C5: variants seen among roughly 807,000 people sequenced by gnomAD.
C5 encodes complement C5.
C5 carries 140 observed loss-of-function variants against 218.8 expected under a neutral mutation model. That is an observed-to-expected ratio of 0.64 (90% CI 0.56 to 0.74). The LOEUF (loss-of-function observed/expected upper bound fraction) is 0.74. C5 is among the 30% of genes least tolerant of loss of function. The pLI is 0.00. For synonymous variants in C5, 614 were observed against 682.3 expected (o/e 0.90, Z 1.56); for missense variants, 1,700 against 1,969.6 (o/e 0.86, Z 2.59).
At chr9:121,035,042 G>A in intron 4 of C5, 148 bp from the exon 5 acceptor site, 1 of 588,508 alleles carries the variant, frequency 1.7e-6, no homozygotes, top group South Asian at 2.1e-5. Flanking sequence ...GAAGGATGAA[G>A]ATCTGTTAAA....
intron 30 of C5, among the ~76,000 whole-genome samples, chr9:120,973,470 C>T (rs982944445): frequency 6.6e-6 from 1 of 152,154 alleles, no homozygotes; most frequent in African/African-American, 2.4e-5. Flanking sequence ...CACATGCATA[C>T]GTCCTGTGAC....
intron 33 of C5, among the ~76,000 whole-genome samples, chr9:120,966,874 C>A (rs2046872268): frequency 6.6e-6 from 1 of 152,060 alleles, no homozygotes; most frequent in Non-Finnish European, 1.5e-5. Flanking sequence ...GGGCTTGGGA[C>A]ATAGAGAAGA....
At chr9:121,061,648 A>C in the C5 span, among the ~76,000 whole-genome samples, 1 of 152,360 alleles carries the variant, frequency 6.6e-6, no homozygotes, top group Non-Finnish European at 1.5e-5. Flanking sequence ...GGAAATTAAT[A>C]ACTTTAATTA....
intron 29 of C5, among the ~76,000 whole-genome samples, chr9:120,976,159 G>A (rs1462249874): frequency 6.6e-6 from 1 of 152,108 alleles, no homozygotes; most frequent in East Asian, 1.9e-4. Context: ...CAACAGGGAA[G>A]ATATTAACAT....
At position 121,032,182 on chromosome 9, in the gene C5, T is replaced by C. The variant is rs1157657872; in HGVS notation, c.598A>G (p.Thr200Ala). The C allele has an allele frequency of 6.2e-7, 1 of 1,600,856 alleles. No homozygotes were observed. The highest frequency in any genetic ancestry group is 8.6e-7 in the Non-Finnish European group (1 of 1,168,152). ...TCCTCTTTATATTTAGCCTTGATCGTCCACATACCATATCTGTGGAAGCAA... is the reference window on the plus strand; with the variant it reads ...TCCTCTTTATATTTAGCCTTGATCGCCCACATACCATATCTGTGGAAGCAA... The part of the protein sequence containing the change: ...IPSNPRYGMW[T>A]IKAKYKEDFS... The change falls in exon 6 of 41, where the codon ACG (threonine) becomes GCG (alanine). Residue 200 changes from threonine to alanine, a missense_variant. Physicochemically the swap from Thr to Ala is moderately conservative, Grantham distance 58. Transcript: ENST00000223642.
At chr9:121,014,799 C>T (rs2047292387) in intron 16 of C5, among the ~76,000 whole-genome samples, 1 of 151,972 alleles carries the variant, frequency 6.6e-6, no homozygotes, top group African/African-American at 2.4e-5. Flanking sequence ...AAGAACAATG[C>T]TACTAACAGT....
At position 120,997,783 on chromosome 9, in the gene C5, C is replaced by G. The variant is rs751500855; in HGVS notation, c.2563-9G>C. ...GACATTTTAACACAGAACTGAAATACAAGTGAAGAATTATATCAAAATACA... is the reference window on the plus strand; with the variant it reads ...GACATTTTAACACAGAACTGAAATAGAAGTGAAGAATTATATCAAAATACA... On this transcript the variant is annotated splice_polypyrimidine_tract_variant and intron_variant, in intron 20 of 40. Transcript: ENST00000223642. 1.2e-6 allele frequency: 2 copies of G among 1,604,932 alleles called. No individual in the cohort carries two copies. The highest frequency in any genetic ancestry group is 1.7e-6 in the Non-Finnish European group (2 of 1,173,106).
intron 11 of C5, among the ~76,000 whole-genome samples, chr9:121,021,000 T>A (rs1182506196): frequency 6.6e-6 from 1 of 152,266 alleles, no homozygotes; most frequent in Admixed American, 6.5e-5. Context: ...GTTATTATGT[T>A]ACTAAGTTAC....
rs150804933 is a variant in C5, at chr9:120,970,189, G to T, written c.4143C>A (p.Ile1381=). Reference sequence around the variant, plus strand: ...TTTTACCTTCAATATCCTGAGTATCGATTTTCAAATAAAAGCTGCAAACTT... The same window carrying T: ...TTTTACCTTCAATATCCTGAGTATCTATTTTCAAATAAAAGCTGCAAACTT... The part of the protein sequence containing the change: ...SEEVCSFYLK[I]DTQDIEASHY... The change falls in exon 32 of 41, where the codon ATC becomes ATA. Residue 1381 remains isoleucine, a synonymous_variant. Transcript: ENST00000223642. The T allele has an allele frequency of 1.3e-5, 21 of 1,612,246 alleles. No homozygotes were observed. In the Admixed American group the frequency reaches 2.7e-4, roughly 20 times the overall value.
rs1388509876 is a variant in C5, at chr9:120,952,766, G to A, written c.5004C>T (p.Ala1668=). 16 of 1,613,340 alleles carry A rather than the reference G, an allele frequency of 9.9e-6. No homozygotes were observed. Among genetic ancestry groups the A allele is most frequent in the African/African-American group, 6.7e-5 (5 of 74,870 alleles). The change falls in exon 41 of 41, where the codon GCC becomes GCT. Residue 1668 remains alanine, a synonymous_variant. Coordinates refer to ENST00000223642, the MANE Select transcript of C5 (RefSeq NM_001735.3). ...AGCATCCATTTAAAAAGATATCTTCGGCAAATTCATCTAAATTAGCTAAAA... is the reference window on the plus strand; with the variant it reads ...AGCATCCATTTAAAAAGATATCTTCAGCAAATTCATCTAAATTAGCTAAAA... ...QAFLANLDEF[A]EDIFLNGC
intron 6 of C5, among the ~76,000 whole-genome samples, chr9:121,031,890 C>G (rs1221624349): frequency 2.6e-5 from 4 of 151,874 alleles, no homozygotes; most frequent in Admixed American, 2.6e-4. Context: ...ATGGTGACAC[C>G]CTGTCTCTAC....
intron 35 of C5, 38 bp downstream of exon 35, chr9:120,962,855 G>A (rs2046837275): frequency 1.2e-6 from 2 of 1,602,782 alleles, no homozygotes; most frequent in Non-Finnish European, 1.7e-6. Flanking sequence ...ATTTTGAATA[G>A]TAATAGTAAA....
intron 25 of C5, among the ~76,000 whole-genome samples, chr9:120,984,624 T>C (rs961808693): frequency 2.0e-5 from 3 of 151,768 alleles, no homozygotes; most frequent in Non-Finnish European, 4.4e-5. Flanking sequence ...AACGGACTCA[T>C]CCTTTGGGAT....
intron 2 of C5, among the ~76,000 whole-genome samples, chr9:121,044,762 T>G (rs562362281): frequency 6.6e-6 from 1 of 152,204 alleles, no homozygotes; most frequent in African/African-American, 2.4e-5. Context: ...AGAAATATTC[T>G]ATATCTATGC....
At chr9:121,073,994 G>C in the C5 span, among the ~76,000 whole-genome samples, 1 of 152,178 alleles carries the variant, frequency 6.6e-6, no homozygotes, top group Non-Finnish European at 1.5e-5. Context: ...ATGATCGCGA[G>C]AAAATGGTAA....
At chr9:120,991,677 T>C (rs1316564573) in intron 22 of C5, among the ~76,000 whole-genome samples, 1 of 152,250 alleles carries the variant, frequency 6.6e-6, no homozygotes, top group Non-Finnish European at 1.5e-5. Context: ...GGAAGTATGA[T>C]CTGAAATTCT....
intron 30 of C5, among the ~76,000 whole-genome samples, chr9:120,973,132 A>G (rs1179845058): frequency 6.6e-6 from 1 of 152,218 alleles, no homozygotes; most frequent in Non-Finnish European, 1.5e-5. Context: ...TCTTTCATGG[A>G]ACACATTTCA....
chr9:120,963,448 A>G (rs1345570748), intron 34 of C5, among the ~76,000 whole-genome samples, 188 bp downstream of exon 34: 1 of 152,076 alleles, frequency 6.6e-6, no homozygotes, highest in African/African-American at 2.4e-5. Flanking sequence ...TGCGGTTGCA[A>G]TGAGCCAAGA....
At chr9:121,045,798 G>A (rs192424383) in intron 2 of C5, among the ~76,000 whole-genome samples, 8 of 152,110 alleles carry the variant, frequency 5.3e-5, no homozygotes, top group East Asian at 1.9e-4. Flanking sequence ...GAGTTCAATC[G>A]AATGTTCAAT....
Sources: allele counts gnomAD v4.1 joint callset (sites outside exome capture counted in the v4.1 genomes callset), GRCh38; gene constraint gnomAD v4.1.1; transcripts MANE v1.5; gene names NCBI Gene and HGNC (gene_info 2026-07-23, HGNC 2026-07-21).